RBFOX1: variants seen among roughly 807,000 people sequenced by gnomAD.
RBFOX1 encodes RNA binding protein fox-1 homolog 1.
In RBFOX1, 8 loss-of-function variants were observed where a neutral mutation model predicts 57.7. That is an observed-to-expected ratio of 0.14 (90% CI 0.08 to 0.25). The LOEUF is 0.25. RBFOX1 is among the 10% of genes least tolerant of loss of function. The pLI, the probability that RBFOX1 is intolerant of heterozygous loss-of-function variation, is 1.00. For missense variants in RBFOX1, 611 were observed against 548.5 expected, an observed-to-expected ratio of 1.11 and a Z score of -1.14; for synonymous variants, 326 against 222.4, an observed-to-expected ratio of 1.47 and a Z score of -4.15.
Position 7,046,228 on chromosome 16 carries a change from A to G in RBFOX1, c.-15-5829A>G, listed in dbSNP as rs1052852539. Among the ~76,000 whole-genome samples, 3 of 142,460 alleles carry G rather than the reference A, an allele frequency of 2.1e-5. No individual in the cohort carries two copies. In the Admixed American group the frequency reaches 2.1e-4, roughly 10 times the overall value. 93.5% of individuals were successfully genotyped at this position (142,460 alleles called of 152,430 possible). A position where few individuals can be genotyped will look rare whatever the true frequency, so the allele number is the denominator to read the frequency against. On this transcript the variant is annotated intron_variant, in intron 3 of 15. Coordinates refer to ENST00000550418, the MANE Select transcript of RBFOX1 (RefSeq NM_018723.4). The stretch of plus-strand genomic sequence containing the variant: ...AATTTTTGTATAAAGTGTGAGGTTT[A>G]GGTAAAGGGGTGTGTGTGTGTGTGT...
At chr16:7,529,263 AAAC>A (rs557061270) in intron 5 of RBFOX1, among the ~76,000 whole-genome samples, 148 of 152,308 alleles carry the variant, frequency 9.7e-4, no homozygotes, top group African/African-American at 3.4e-3. Context: ...TCTGTCTCAA[AAAC>A]AACAACAACA....
At chr16:6,655,810 T>C (rs2098646583) in intron 3 of RBFOX1, among the ~76,000 whole-genome samples, 1 of 152,218 alleles carries the variant, frequency 6.6e-6, no homozygotes, top group Non-Finnish European at 1.5e-5. Flanking sequence ...AAATGGGTTA[T>C]TATTTCAAGC....
chr16:6,979,176 A>C (rs540469390), intron 3 of RBFOX1, among the ~76,000 whole-genome samples: 3 of 152,226 alleles, frequency 2.0e-5, no homozygotes, highest in African/African-American at 4.8e-5. Flanking sequence ...GATAGTATTC[A>C]GGAAGTTGAA....
At chr16:5,397,717 A>G (rs995989681) in intron 1 of RBFOX1, among the ~76,000 whole-genome samples, 5 of 152,240 alleles carry the variant, frequency 3.3e-5, no homozygotes, top group African/African-American at 1.2e-4. Flanking sequence ...TTGGGTCTTG[A>G]TTCACACATG....
Position 7,186,030 on chromosome 16 carries a change from C to T in RBFOX1, c.27+133932C>T, listed in dbSNP as rs531367468. 5.3e-4 allele frequency among the ~76,000 whole-genome samples: 80 copies of T among 152,118 alleles called. 1 individual carries two copies. The South Asian group carries it at 0.014, about 28-fold the overall frequency. ...ATCAAAGGCACACAGACAGGTTCAGCGATATTTGCTAACCCTGGGAAACAT... is the reference window on the plus strand; with the variant it reads ...ATCAAAGGCACACAGACAGGTTCAGTGATATTTGCTAACCCTGGGAAACAT... On this transcript the variant is annotated intron_variant, in intron 4 of 15. Transcript: ENST00000550418.
At chr16:5,326,550 C>T (rs145017659) in intron 1 of RBFOX1, among the ~76,000 whole-genome samples, 1 of 152,096 alleles carries the variant, frequency 6.6e-6, no homozygotes, top group African/African-American at 2.4e-5. Context: ...CGATGCACTC[C>T]CTGCCCATTC....
chr16:7,474,411 G>T (rs2062195647), intron 4 of RBFOX1, among the ~76,000 whole-genome samples: 1 of 152,136 alleles, frequency 6.6e-6, no homozygotes, highest in African/African-American at 2.4e-5. Context: ...CACTGTGAAG[G>T]TCATGTATTC....
chr16:7,225,400 C>A (rs192893934), intron 4 of RBFOX1, among the ~76,000 whole-genome samples: 2 of 152,036 alleles, frequency 1.3e-5, no homozygotes, highest in Non-Finnish European at 2.9e-5. Flanking sequence ...TTTCCCTCTA[C>A]GGTTGGTTCT....
chr16:7,361,039 T>G (rs1366418917), intron 4 of RBFOX1, among the ~76,000 whole-genome samples: 1 of 152,168 alleles, frequency 6.6e-6, no homozygotes, highest in Non-Finnish European at 1.5e-5. Context: ...GAAGCTGGCT[T>G]TGTGGCGTGG....
intron 1 of RBFOX1, among the ~76,000 whole-genome samples, chr16:6,072,499 C>T (rs769902029): frequency 2.0e-5 from 3 of 152,204 alleles, no homozygotes; most frequent in Middle Eastern, 3.4e-3. Context: ...CTGGTAATCA[C>T]ATTTTTAAAT....
intron 1 of RBFOX1, among the ~76,000 whole-genome samples, chr16:5,395,746 T>TC (rs2066534651): frequency 6.6e-6 from 1 of 152,190 alleles, no homozygotes; most frequent in Non-Finnish European, 1.5e-5. Flanking sequence ...AACTCCATCT[T>TC]CCCAGCAGAC....
chr16:7,688,601 G>A (rs867485293), intron 14 of RBFOX1, among the ~76,000 whole-genome samples: 3 of 152,020 alleles, frequency 2.0e-5, no homozygotes, highest in South Asian at 2.1e-4. Flanking sequence ...ACTGCCAAGA[G>A]ATGAGATTTA....
At chr16:7,533,542 A>T (rs184649858) in intron 5 of RBFOX1, among the ~76,000 whole-genome samples, 16 of 152,324 alleles carry the variant, frequency 1.1e-4, no homozygotes, top group Admixed American at 1.0e-3. Context: ...CCTACTGAAC[A>T]TCATCACTTA....
At chr16:5,375,613 G>A (rs1274240536) in intron 1 of RBFOX1, among the ~76,000 whole-genome samples, 1 of 152,196 alleles carries the variant, frequency 6.6e-6, no homozygotes, top group Non-Finnish European at 1.5e-5. Flanking sequence ...TGATACTGGC[G>A]TGGACACTAA....
intron 3 of RBFOX1, among the ~76,000 whole-genome samples, chr16:5,687,211 T>C (rs552652281): frequency 6.6e-6 from 1 of 152,276 alleles, no homozygotes; most frequent in Admixed American, 6.5e-5. Flanking sequence ...TAAGGTTGAA[T>C]GTGATGTGTG....
intron 1 of RBFOX1, among the ~76,000 whole-genome samples, chr16:6,286,990 T>C (rs1477088243): frequency 6.6e-6 from 1 of 152,090 alleles, no homozygotes; most frequent in Non-Finnish European, 1.5e-5. Flanking sequence ...AGTGAATTAG[T>C]TGGGGTTTTA....
At chr16:6,821,842 G>A (rs748081997) in intron 3 of RBFOX1, among the ~76,000 whole-genome samples, 2 of 152,172 alleles carry the variant, frequency 1.3e-5, no homozygotes, top group African/African-American at 2.4e-5. Flanking sequence ...TGAAGGTGCA[G>A]GCACTTGTCT....
intron 3 of RBFOX1, among the ~76,000 whole-genome samples, chr16:5,858,116 G>T (rs192706861): frequency 3.3e-5 from 5 of 152,102 alleles, no homozygotes; most frequent in African/African-American, 1.2e-4. Flanking sequence ...AATTTGGCAA[G>T]CTAAAGGCTC....
At chr16:7,649,806 C>T (rs963009913) in intron 11 of RBFOX1, among the ~76,000 whole-genome samples, 5 of 152,118 alleles carry the variant, frequency 3.3e-5, no homozygotes, top group Admixed American at 6.5e-5. Flanking sequence ...CAGTAAGCGT[C>T]CTTCTCCTTC....
Sources: allele counts gnomAD v4.1 joint callset (sites outside exome capture counted in the v4.1 genomes callset), GRCh38; gene constraint gnomAD v4.1.1; transcripts MANE v1.5; gene names NCBI Gene and HGNC (gene_info 2026-07-23, HGNC 2026-07-21).